DTNBP1: variants seen among roughly 807,000 people sequenced by gnomAD.
DTNBP1 encodes dystrobrevin binding protein 1.
A neutral mutation model predicts 42.8 loss-of-function variants in DTNBP1; 35 were observed. The observed-to-expected ratio is 0.82, with a 90% confidence interval of 0.63 to 1.09. The LOEUF is 1.09. DTNBP1 is among the 50% of genes least tolerant of loss of function. The probability of loss-of-function intolerance (pLI) is 0.00; values close to 1 mark genes in which losing one functional copy is unlikely to be tolerated. For synonymous variants in DTNBP1, 171 were observed against 162.2 expected (o/e 1.05, Z -0.41); for missense variants, 457 against 424.2 (o/e 1.08, Z -0.68).
At chr6:15,524,350 C>G in intron 9 of DTNBP1, 176 bp downstream of exon 9, 1 of 1,613,042 alleles carries the variant, frequency 6.2e-7, no homozygotes. Flanking sequence ...GGAACCACAC[C>G]ACTGTTGCAG....
chr6:15,637,492 A>C (rs1372926695), intron 4 of DTNBP1, among the ~76,000 whole-genome samples: 1 of 152,208 alleles, frequency 6.6e-6, no homozygotes, highest in African/African-American at 2.4e-5. Flanking sequence ...TTATATCTAC[A>C]TAAAACAAGT....
chr6:15,637,104 A>C (rs975475238), intron 4 of DTNBP1, among the ~76,000 whole-genome samples: 1 of 152,176 alleles, frequency 6.6e-6, no homozygotes, highest in African/African-American at 2.4e-5. Context: ...GTAAATGGTA[A>C]AGAAAATCAG....
At chr6:15,635,543 C>T (rs895103567) in intron 4 of DTNBP1, among the ~76,000 whole-genome samples, 3 of 152,220 alleles carry the variant, frequency 2.0e-5, no homozygotes, top group African/African-American at 7.2e-5. Flanking sequence ...GTTTTTCCTA[C>T]ACTGTCTTTC....
At chr6:15,523,433 C>T in intron 9 of DTNBP1, 1 of 1,276,748 alleles carries the variant, frequency 7.8e-7, no homozygotes, top group Non-Finnish European at 1.0e-6. Context: ...CTTCTGTCCC[C>T]TAAGGAGTCA....
rs761021117 is a variant in DTNBP1 at position 15,522,956 on chromosome 6, A to G, written c.*19T>C. ...CAAAACTGGATTCCAGTGTGGCCAG[A>G]CAACGCCCATGTCCCAATTTAAGAG... is the stretch of plus-strand genomic sequence containing the variant. On this transcript the variant is annotated 3_prime_UTR_variant, in exon 10 of 10. Transcript: ENST00000344537. The G allele has an allele frequency of 8.7e-6, 14 of 1,614,114 alleles. No homozygotes were observed. The highest frequency in any genetic ancestry group is 1.1e-5 in the Non-Finnish European group (13 of 1,180,042).
chr6:15,614,792 T>C (rs1758622498), intron 6 of DTNBP1, among the ~76,000 whole-genome samples: 1 of 152,244 alleles, frequency 6.6e-6, no homozygotes, highest in Non-Finnish European at 1.5e-5. Flanking sequence ...CATAAATCAG[T>C]GACATTGAGG....
intron 7 of DTNBP1, among the ~76,000 whole-genome samples, chr6:15,560,361 T>C (rs988847518): frequency 6.6e-6 from 1 of 152,124 alleles, no homozygotes; most frequent in African/African-American, 2.4e-5. Context: ...TGGTCTGAAA[T>C]TGCAACTACT....
chr6:15,523,696 G>A, intron 9 of DTNBP1: 1 of 1,287,196 alleles, frequency 7.8e-7, no homozygotes, highest in South Asian at 1.2e-5. Flanking sequence ...CTATATGCAG[G>A]TGTCACTGTT....
At chr6:15,650,747 A>G (rs1178059117) in intron 3 of DTNBP1, among the ~76,000 whole-genome samples, 2 of 152,094 alleles carry the variant, frequency 1.3e-5, no homozygotes, top group Non-Finnish European at 2.9e-5. Context: ...AAAGTTCTTT[A>G]TATATTCTGG....
At chr6:15,529,954 G>T (rs188704104) in intron 8 of DTNBP1, among the ~76,000 whole-genome samples, 1 of 152,260 alleles carries the variant, frequency 6.6e-6, no homozygotes, top group South Asian at 2.1e-4. Context: ...TCAAGCCTGA[G>T]AGCCTCTGTG....
chr6:15,551,414 T>C (rs1561953443), intron 7 of DTNBP1, among the ~76,000 whole-genome samples: 1 of 152,202 alleles, frequency 6.6e-6, no homozygotes, highest in Non-Finnish European at 1.5e-5. Context: ...GAAACTGCTA[T>C]TCAGGAAGTA....
At chr6:15,618,008 T>C (rs1233030563) in intron 5 of DTNBP1, among the ~76,000 whole-genome samples, 1 of 152,168 alleles carries the variant, frequency 6.6e-6, no homozygotes, top group Non-Finnish European at 1.5e-5. Context: ...CCTTTGAATA[T>C]ATCCCTAGTA....
At chr6:15,561,160 T>C (rs1581324400) in intron 7 of DTNBP1, among the ~76,000 whole-genome samples, 2 of 152,270 alleles carry the variant, frequency 1.3e-5, no homozygotes, top group East Asian at 3.9e-4. Flanking sequence ...AACCAACCAG[T>C]GACCTCTGGA....
intron 7 of DTNBP1, among the ~76,000 whole-genome samples, chr6:15,541,858 A>C (rs570607610): frequency 1.3e-5 from 2 of 152,328 alleles, no homozygotes; most frequent in South Asian, 4.1e-4. Flanking sequence ...TCTACAACTA[A>C]GCCTTTTAAC....
At chr6:15,554,979 A>T (rs1382970667) in intron 7 of DTNBP1, among the ~76,000 whole-genome samples, 1 of 151,710 alleles carries the variant, frequency 6.6e-6, no homozygotes, top group Non-Finnish European at 1.5e-5. Context: ...AGTCTTTTGA[A>T]AGGGCTGTTT....
In DTNBP1 at chr6:15,637,716, ACG is replaced by A. The variant is rs764198146; in HGVS notation, c.222+26_222+27del. 100 of 1,612,562 alleles carry A rather than the reference ACG, an allele frequency of 6.2e-5. No homozygotes were observed. In the African/African-American group the frequency reaches 1.0e-3, roughly 17 times the overall value. ...TAGCACTGAAAAAGGAAAGTTTGCC[ACG>A]AGTATAAGATTAGTCAATTCTTTAC... On this transcript the variant is annotated intron_variant, in intron 4 of 9. Coordinates refer to ENST00000344537, the MANE Select transcript of DTNBP1 (RefSeq NM_032122.5).
At chr6:15,566,758 T>C (rs540118181) in intron 7 of DTNBP1, among the ~76,000 whole-genome samples, 121 of 149,724 alleles carry the variant, frequency 8.1e-4, no homozygotes, top group African/African-American at 3.0e-3. Flanking sequence ...TTGAGTGCAG[T>C]GGCATGATCT....
At chr6:15,599,433 T>G (rs1219359010) in intron 6 of DTNBP1, among the ~76,000 whole-genome samples, 1 of 152,300 alleles carries the variant, frequency 6.6e-6, no homozygotes, top group South Asian at 2.1e-4. Context: ...TGACTCTGCA[T>G]GTGTATCATC....
At chr6:15,628,174 C>T (rs910161307) in intron 4 of DTNBP1, among the ~76,000 whole-genome samples, 2 of 152,070 alleles carry the variant, frequency 1.3e-5, no homozygotes, top group Non-Finnish European at 2.9e-5. Flanking sequence ...CCAGACAATT[C>T]TGTTTTGGTC....
Sources: gnomAD v4.1 joint callset for allele counts (sites outside exome capture counted in the v4.1 genomes callset) on GRCh38, gnomAD v4.1.1 for gene constraint, MANE v1.5 for transcripts, NCBI Gene and HGNC (gene_info 2026-07-23, HGNC 2026-07-21) for gene names.